The following NMRK2 variants were observed in gnomAD, a reference collection of about 807,000 sequenced individuals.
The protein encoded by NMRK2 is NRK 2.
NMRK2 carries 34 observed loss-of-function variants against 24.7 expected under a neutral mutation model. That is an observed-to-expected ratio of 1.37 (90% CI 1.05 to 1.83). NMRK2 has a LOEUF of 1.83. Among genes scored for constraint, NMRK2 ranks in the 40% most tolerant of loss-of-function variants. The pLI is 0.00. For synonymous variants in NMRK2, 145 were observed against 125.6 expected (o/e 1.15, Z -1.03); for missense variants, 341 against 315.0 (o/e 1.08, Z -0.62).
Position 3,938,693 on chromosome 19 carries a change from G to GC in NMRK2, c.258dup (p.Val87ArgfsTer39). The GC allele has an allele frequency of 6.2e-7, 1 of 1,612,818 alleles. No homozygotes were observed. Among genetic ancestry groups the GC allele is most frequent in the Non-Finnish European group, 8.5e-7 (1 of 1,179,468 alleles). Reference sequence around the variant, plus strand: ...AAGTTTGCCCGTGCCCACGGGGTCAGCGTCCAGCCAGAGGCCTCGGACACC... The same window carrying GC: ...AAGTTTGCCCGTGCCCACGGGGTCAGCCGTCCAGCCAGAGGCCTCGGACACC... On this transcript the variant is annotated frameshift_variant, in exon 5 of 8. Transcript: ENST00000168977. LOFTEE classifies it high-confidence loss of function.
intron 5 of NMRK2, 58 bp downstream of exon 5, chr19:3,938,817 CTCT>C (rs2039267544): frequency 2.3e-6 from 1 of 430,324 alleles, no homozygotes; most frequent in Non-Finnish European, 3.6e-6. Flanking sequence ...GTATAGCCAT[CTCT>C]TGTTTTTTTT....
chr19:3,940,571 C>T (rs1490135356), intron 6 of NMRK2, among the ~76,000 whole-genome samples: 2 of 151,450 alleles, frequency 1.3e-5, no homozygotes, highest in East Asian at 1.9e-4. Context: ...CCTATCTCTA[C>T]TAAAAATTGA....
Position 3,942,216 on chromosome 19 carries a change from A to C in NMRK2, c.636A>C (p.Gly212=). ...GCCCAGCCAGGACACAGGGACCCGGACGCGGATGCGGCCACAGAACGGCCA... is the reference window on the plus strand; with the variant it reads ...GCCCAGCCAGGACACAGGGACCCGGCCGCGGATGCGGCCACAGAACGGCCA... ...PARPARTQGP[G]RGCGHRTARP... is the part of the protein sequence containing the mutation. Residue 212 remains glycine, a synonymous_variant, in exon 8 of 8, where the codon GGA becomes GGC. Coordinates refer to ENST00000168977, the MANE Select transcript of NMRK2 (RefSeq NM_170678.3). The C allele has an allele frequency of 6.2e-7, 1 of 1,612,834 alleles. No homozygotes were observed. The highest frequency in any genetic ancestry group is 1.1e-5 in the South Asian group (1 of 91,030).
chr19:3,937,047 T>C (rs1450149898), intron 3 of NMRK2, among the ~76,000 whole-genome samples, 193 bp from the exon 4 acceptor site: 1 of 152,014 alleles, frequency 6.6e-6, no homozygotes, highest in African/African-American at 2.4e-5. Context: ...CCCAGCTCGC[T>C]GTGTGGGTGT....
intron 2 of NMRK2, 76 bp downstream of exon 2, chr19:3,933,773 T>A (rs2039160973): frequency 7.6e-7 from 1 of 1,315,238 alleles, no homozygotes; most frequent in East Asian, 3.1e-5. Context: ...GGCCCGGGAA[T>A]GAATGGAGGG....
chr19:3,941,044 A>G (rs1234785881), intron 6 of NMRK2, 27 bp from the exon 7 acceptor site: 1 of 1,475,424 alleles, frequency 6.8e-7, no homozygotes, highest in Admixed American at 1.7e-5. Context: ...CTGTGCTCTA[A>G]GCCATCCTTG....
At position 3,933,586 on chromosome 19, in the gene NMRK2, G is replaced by GCCGGGACGCACT; in HGVS notation, c.-81_-70dup. On this transcript the variant is annotated 5_prime_UTR_variant, in exon 2 of 8. Coordinates refer to ENST00000168977, the MANE Select transcript of NMRK2 (RefSeq NM_170678.3). ...AAAGGCGCCAGGTTTTCTCAATGAA[G>GCCGGGACGCACT]CCGGGACGCACTCCGGAGCGCACTG... 1 of 1,467,320 alleles carries GCCGGGACGCACT rather than the reference G, an allele frequency of 6.8e-7. No individual in the cohort carries two copies. Among genetic ancestry groups the GCCGGGACGCACT allele is most frequent in the Non-Finnish European group, 9.1e-7 (1 of 1,097,578 alleles). 90.9% of individuals were successfully genotyped at this position (1,467,320 alleles called of 1,614,324 possible). A position where few individuals can be genotyped will look rare whatever the true frequency, so the allele number is the denominator to read the frequency against.
At chr19:3,938,258 C>T (rs2039252365) in intron 4 of NMRK2, among the ~76,000 whole-genome samples, 1 of 128,238 alleles carries the variant, frequency 7.8e-6, no homozygotes, top group African/African-American at 3.0e-5. Context: ...GTCCACCCTC[C>T]TGCAATACCC....
At chr19:3,937,003 C>T (rs1388115020) in intron 3 of NMRK2, among the ~76,000 whole-genome samples, 3 of 152,134 alleles carry the variant, frequency 2.0e-5, no homozygotes, top group Non-Finnish European at 2.9e-5. Context: ...TTCCTCTCCA[C>T]CTCCCCTTTC....
intron 6 of NMRK2, among the ~76,000 whole-genome samples, chr19:3,940,335 CAAAAAA>C (rs978999079): frequency 3.2e-5 from 1 of 31,012 alleles, no homozygotes; most frequent in South Asian, 1.5e-3. Flanking sequence ...GACTCTGTCT[CAAAAAA>C]AAAAAAAAAA....
intron 4 of NMRK2, among the ~76,000 whole-genome samples, chr19:3,937,930 A>C (rs1439945387): frequency 3.2e-5 from 1 of 31,476 alleles, no homozygotes; most frequent in Admixed American, 4.2e-4. Flanking sequence ...CCCGGGGTCC[A>C]CCCTCCTGCA....
rs372337468 is a variant in NMRK2, at chr19:3,942,338, G to A, written c.*65G>A. ...GGCCCCACTCCCAGTTGGGCGTCCC[G>A]GAGCTCAGGGACTGAGCCCCAAGAC... On this transcript the variant is annotated 3_prime_UTR_variant, in exon 8 of 8. Coordinates refer to ENST00000168977, the MANE Select transcript of NMRK2 (RefSeq NM_170678.3). 165 of 1,454,594 alleles carry A rather than the reference G, an allele frequency of 1.1e-4. No homozygotes were observed. The Middle Eastern group carries it at 1.7e-3, about 15-fold the overall frequency. 90.1% of individuals were successfully genotyped at this position (1,454,594 alleles called of 1,614,324 possible). A position where few individuals can be genotyped will look rare whatever the true frequency, so the allele number is the denominator to read the frequency against.
rs1314062436 is a variant in NMRK2, at chr19:3,938,688, G to T, written c.252G>T (p.Gly84=). 1 of 1,612,854 alleles carries T rather than the reference G, an allele frequency of 6.2e-7. No individual in the cohort carries two copies. ...CGCAGAAGTTTGCCCGTGCCCACGGGGTCAGCGTCCAGCCAGAGGCCTCGG... is the reference window on the plus strand; with the variant it reads ...CGCAGAAGTTTGCCCGTGCCCACGGTGTCAGCGTCCAGCCAGAGGCCTCGG... ...SSPQKFARAH[G]VSVQPEASDT... Residue 84 remains glycine (G), a synonymous_variant, in exon 5 of 8, where the codon GGG becomes GGT. Coordinates refer to ENST00000168977, the MANE Select transcript of NMRK2 (RefSeq NM_170678.3).
chr19:3,933,459 C>T lies in NMRK2; in HGVS notation c.-213C>T. Reference sequence around the variant, plus strand: ...GTGACTAATTTAGGCAAAAGGCAGCCTGGAGCTATTTCCATTCGGCGGCGG... The same window carrying T: ...GTGACTAATTTAGGCAAAAGGCAGCTTGGAGCTATTTCCATTCGGCGGCGG... On this transcript the variant is annotated splice_region_variant and 5_prime_UTR_variant, in exon 2 of 8. Transcript: ENST00000168977. 1 of 526,480 alleles carries T rather than the reference C, an allele frequency of 1.9e-6. No homozygotes were observed. Among genetic ancestry groups the T allele is most frequent in the Admixed American group, 3.8e-5 (1 of 26,022 alleles). The allele number at this position is 526,480 out of a possible 1,614,324, so 32.6% of individuals were successfully genotyped here.
intron 2 of NMRK2, among the ~76,000 whole-genome samples, chr19:3,935,215 C>G (rs1240927284): frequency 6.9e-6 from 1 of 145,930 alleles, no homozygotes; most frequent in African/African-American, 2.5e-5. Context: ...CCTGCCTCTT[C>G]TGGATATGAT....
chr19:3,939,991 G>A lies in NMRK2; in HGVS notation c.395+20G>A, dbSNP rs556081033. The stretch of plus-strand genomic sequence containing the variant: ...GAGAAGGTGCACTTGGTGTCTGGGG[G>A]TGCGGTGGGCTCCTGAGGGCCCTGT... On this transcript the variant is annotated intron_variant, in intron 6 of 7. Coordinates refer to ENST00000168977, the MANE Select transcript of NMRK2 (RefSeq NM_170678.3). 2.8e-5 allele frequency: 45 copies of A among 1,606,532 alleles called. 1 individual carries two copies. In the South Asian group the frequency reaches 4.8e-4, roughly 17 times the overall value.
intron 6 of NMRK2, 109 bp downstream of exon 6, chr19:3,940,080 C>A: frequency 2.1e-6 from 2 of 953,530 alleles, no homozygotes; most frequent in Non-Finnish European, 3.3e-6. Flanking sequence ...GGCACAGTGT[C>A]TCTGGGCTGT....
chr19:3,938,850 T>TTTTTTTTTTTTTTTTTTG (rs2039274687), intron 5 of NMRK2, 91 bp downstream of exon 5: 14 of 184,744 alleles, frequency 7.6e-5, no homozygotes, highest in African/African-American at 7.2e-4. Context: ...TTTTGTTTTG[T>TTTTTTTTTTTTTTTTTTG]TTTTTTTTTT....
intron 4 of NMRK2, among the ~76,000 whole-genome samples, chr19:3,938,357 C>A (rs534368165): frequency 6.5e-5 from 9 of 138,040 alleles, no homozygotes; most frequent in Admixed American, 2.1e-4. Flanking sequence ...TCCTGCAATA[C>A]CTGCTCCCCG....
Sources: gnomAD v4.1 joint callset for allele counts (sites outside exome capture counted in the v4.1 genomes callset) on GRCh38, gnomAD v4.1.1 for gene constraint, MANE v1.5 for transcripts, NCBI Gene and HGNC (gene_info 2026-07-23, HGNC 2026-07-21) for gene names.